Variants in SDCCAG8 observed in about 807,000 individuals in gnomAD.
The protein encoded by SDCCAG8 is serologically defined colon cancer antigen 8.
A neutral mutation model predicts 101.8 loss-of-function variants in SDCCAG8; 74 were observed. That is an observed-to-expected ratio of 0.73 (90% confidence interval 0.60 to 0.88). The LOEUF (loss-of-function observed/expected upper bound fraction) is 0.88. Among genes scored for constraint, SDCCAG8 ranks in the 40% least tolerant of loss-of-function variants. The pLI is 0.00. For synonymous variants in SDCCAG8, 281 were observed against 292.9 expected (o/e 0.96, Z 0.41); for missense variants, 787 against 822.6 (o/e 0.96, Z 0.53).
Position 243,499,885 on chromosome 1 carries a change from T to C in SDCCAG8, c.*100T>C. ...ACAACGCACCACGACCTTCCCAGGG[T>C]GACACCGCCTCAGCCTGCAGTGGGG... On this transcript the variant is annotated 3_prime_UTR_variant, in exon 18 of 18. Coordinates refer to ENST00000366541, the MANE Select transcript of SDCCAG8 (RefSeq NM_006642.5). The C allele has an allele frequency of 8.7e-7, 1 of 1,151,720 alleles. No homozygotes were observed. Among genetic ancestry groups the C allele is most frequent in the Non-Finnish European group, 1.3e-6 (1 of 778,080 alleles). 71.3% of individuals were successfully genotyped at this position (1,151,720 alleles called of 1,614,324 possible).
intron 16 of SDCCAG8, among the ~76,000 whole-genome samples, chr1:243,466,961 G>C (rs1377026710): frequency 6.6e-6 from 1 of 152,268 alleles, no homozygotes; most frequent in Non-Finnish European, 1.5e-5. Flanking sequence ...TAATATGCAG[G>C]TCTCCACTCT....
At chr1:243,393,322 G>A (rs2078828601) in intron 13 of SDCCAG8, among the ~76,000 whole-genome samples, 1 of 151,978 alleles carries the variant, frequency 6.6e-6, no homozygotes, top group African/African-American at 2.4e-5. Flanking sequence ...AAGCTGGCAG[G>A]GGAGGGGCTC....
intron 13 of SDCCAG8, among the ~76,000 whole-genome samples, chr1:243,387,112 G>A (rs1324286140): frequency 6.6e-6 from 1 of 152,144 alleles, no homozygotes; most frequent in African/African-American, 2.4e-5. Flanking sequence ...GGCTTATGCC[G>A]CTCATATGAC....
intron 6 of SDCCAG8, among the ~76,000 whole-genome samples, chr1:243,297,892 T>A (rs1022619194): frequency 6.6e-6 from 1 of 152,174 alleles, no homozygotes; most frequent in Non-Finnish European, 1.5e-5. Flanking sequence ...CGCTTGTAAC[T>A]CTCTTGATAG....
intron 16 of SDCCAG8, among the ~76,000 whole-genome samples, chr1:243,440,424 G>A (rs1006267900): frequency 6.6e-6 from 1 of 152,154 alleles, no homozygotes; most frequent in Non-Finnish European, 1.5e-5. Context: ...TGAATTTCAG[G>A]CTGCCTTTGA....
chr1:243,465,863 G>C (rs1234268691), intron 16 of SDCCAG8, among the ~76,000 whole-genome samples: 1 of 152,108 alleles, frequency 6.6e-6, no homozygotes, highest in Non-Finnish European at 1.5e-5. Flanking sequence ...TGTGTCCAGC[G>C]TATTGTTGTG....
chr1:243,376,737 C>G (rs1197266326), intron 12 of SDCCAG8, among the ~76,000 whole-genome samples: 1 of 151,948 alleles, frequency 6.6e-6, no homozygotes, highest in African/African-American at 2.4e-5. Flanking sequence ...TTTTAAGTCC[C>G]TCCACTCCTC....
At chr1:243,432,645 T>C (rs1186136077) in intron 16 of SDCCAG8, among the ~76,000 whole-genome samples, 3 of 152,244 alleles carry the variant, frequency 2.0e-5, no homozygotes, top group Non-Finnish European at 4.4e-5. Context: ...TTTTATTTGT[T>C]ATTGATTTTA....
At chr1:243,330,490 T>C (rs758036488) in intron 9 of SDCCAG8, 50 bp from the exon 10 acceptor site, 4 of 1,593,098 alleles carry the variant, frequency 2.5e-6, no homozygotes, top group Middle Eastern at 3.3e-4. Flanking sequence ...ATTTTACCTA[T>C]ATTTTTTCCA....
At chr1:243,456,209 G>T (rs1238053416) in intron 16 of SDCCAG8, among the ~76,000 whole-genome samples, 1 of 152,128 alleles carries the variant, frequency 6.6e-6, no homozygotes, top group Admixed American at 6.5e-5. Context: ...TACTGAACAG[G>T]AAAGCCTGAC....
At chr1:243,387,665 G>C (rs1003678963) in intron 13 of SDCCAG8, among the ~76,000 whole-genome samples, 1 of 152,140 alleles carries the variant, frequency 6.6e-6, no homozygotes, top group Non-Finnish European at 1.5e-5. Flanking sequence ...AGTGATAGAG[G>C]CTGCCTTTCC....
intron 16 of SDCCAG8, among the ~76,000 whole-genome samples, chr1:243,456,468 A>T (rs1004836542): frequency 7.2e-5 from 11 of 152,326 alleles, no homozygotes; most frequent in Non-Finnish European, 1.5e-4. Context: ...TAGTATTTTT[A>T]AAAAATGCAT....
chr1:243,288,337 G>A (rs1390666727), intron 5 of SDCCAG8, among the ~76,000 whole-genome samples: 2 of 151,968 alleles, frequency 1.3e-5, no homozygotes, highest in African/African-American at 4.8e-5. Context: ...AGCCGAGCAT[G>A]CTGATGTACA....
Position 243,330,462 on chromosome 1 carries a change from T to C in SDCCAG8, c.1069-78T>C. ...TGAGTTTTTGCTATTTTAAATATAC[T>C]TAAAGCTTAATTATGTCATTTTACC... is the stretch of plus-strand genomic sequence containing the variant. On this transcript the variant is annotated intron_variant, in intron 9 of 17. Coordinates refer to ENST00000366541, the MANE Select transcript of SDCCAG8 (RefSeq NM_006642.5). 2.7e-6 allele frequency: 4 copies of C among 1,469,858 alleles called. 1 individual carries two copies. The South Asian group carries it at 4.7e-5, about 17-fold the overall frequency. 91.1% of individuals were successfully genotyped at this position (1,469,858 alleles called of 1,614,324 possible). A position where few individuals can be genotyped will look rare whatever the true frequency, so the allele number is the denominator to read the frequency against.
At chr1:243,483,382 G>T (rs1239610539) in intron 16 of SDCCAG8, among the ~76,000 whole-genome samples, 1 of 152,158 alleles carries the variant, frequency 6.6e-6, no homozygotes, top group East Asian at 1.9e-4. Flanking sequence ...AGGCTGCTGA[G>T]CACGAGCGCC....
At chr1:243,429,613 T>G (rs2081575705) in intron 16 of SDCCAG8, among the ~76,000 whole-genome samples, 1 of 151,562 alleles carries the variant, frequency 6.6e-6, no homozygotes, top group South Asian at 2.1e-4. Context: ...AGTGTAACCT[T>G]GAACTCCTGG....
chr1:243,484,529 GCTCAGCATACGACGATCATGAGC>G (rs1664386255), intron 16 of SDCCAG8, among the ~76,000 whole-genome samples: 1 of 152,208 alleles, frequency 6.6e-6, no homozygotes, highest in Non-Finnish European at 1.5e-5. Context: ...ACATAAAAGT[GCTCAGCATACGACGATCATGAGC>G]CATGTCTAAG....
chr1:243,327,910 T>C (rs2074306157), intron 9 of SDCCAG8, among the ~76,000 whole-genome samples: 1 of 152,194 alleles, frequency 6.6e-6, no homozygotes, highest in South Asian at 2.1e-4. Flanking sequence ...TTGTTTTGTT[T>C]GTTTGTTTTT....
rs1274052919 is a variant in SDCCAG8, at chr1:243,416,972, T to A, written c.1745-996T>A. Reference sequence around the variant, plus strand: ...TGCTTAGAGGTAATTTTCATATGATTTAATGTATTAATATATTGTATTTGA... The same window carrying A: ...TGCTTAGAGGTAATTTTCATATGATATAATGTATTAATATATTGTATTTGA... On this transcript the variant is annotated intron_variant, in intron 14 of 17. Transcript: ENST00000366541. This position sits in a 1 kb window ranked among gnomAD's most constrained non-coding sequence, Gnocchi z 4.3. Among the ~76,000 whole-genome samples the A allele has an allele frequency of 6.6e-6, 1 of 152,196 alleles. No homozygotes were observed. Among genetic ancestry groups the A allele is most frequent in the Non-Finnish European group, 1.5e-5 (1 of 68,030 alleles).
Sources: allele counts gnomAD v4.1 joint callset (sites outside exome capture counted in the v4.1 genomes callset), GRCh38; gene constraint gnomAD v4.1.1; non-coding constraint Gnocchi (gnomAD v3.1); transcripts MANE v1.5; gene names NCBI Gene and HGNC (gene_info 2026-07-23, HGNC 2026-07-21).